Variants in ATR observed in about 807,000 individuals in gnomAD.
ATR encodes serine/threonine-protein kinase ATR.
ATR carries 142 observed loss-of-function variants against 305.3 expected under a neutral mutation model. That is an observed-to-expected ratio of 0.47 (90% CI 0.41 to 0.53). The LOEUF is 0.53. ATR is among the 20% of genes least tolerant of loss of function. The pLI, the probability that ATR is intolerant of heterozygous loss-of-function variation, is 0.00. For synonymous variants in ATR, 1,050 were observed against 1,068.1 expected (o/e 0.98, Z 0.33); for missense variants, 2,135 against 3,133.1 (o/e 0.68, Z 7.60).
intron 1 of ATR, among the ~76,000 whole-genome samples, chr3:142,574,778 TGTCA>T (rs2035384530): frequency 6.6e-6 from 1 of 152,176 alleles, no homozygotes; most frequent in South Asian, 2.1e-4. Context: ...AGCAGGGCCC[TGTCA>T]GTCATGGCTT....
At chr3:142,461,348 A>C (rs1313264999) in intron 42 of ATR, among the ~76,000 whole-genome samples, 1 of 152,118 alleles carries the variant, frequency 6.6e-6, no homozygotes, top group Non-Finnish European at 1.5e-5. Flanking sequence ...TTGAAATTCT[A>C]TTAGTACATA....
intron 46 of ATR, chr3:142,452,006 A>C: frequency 6.8e-6 from 7 of 1,031,530 alleles, no homozygotes; most frequent in Non-Finnish European, 8.2e-6. Flanking sequence ...ACTGCTACAG[A>C]GTGAATTTTT....
At chr3:142,555,431 A>C (rs2034632082) in intron 10 of ATR, among the ~76,000 whole-genome samples, 1 of 152,058 alleles carries the variant, frequency 6.6e-6, no homozygotes, top group South Asian at 2.1e-4. Context: ...TAAATCTCAT[A>C]CTTCATAAAA....
rs202026376 is a variant in ATR at position 142,553,957 on chromosome 3, T to G, written c.2400A>C (p.Thr800=). Residue 800 remains threonine (T), a synonymous_variant, in exon 11 of 47, where the codon ACA becomes ACC. Transcript: ENST00000350721. ...CKHLDFREDE[T]DVKAVLGTLL... Reference sequence around the variant, plus strand: ...AAGTTCCAAGAACTGCTTTTACATCTGTTTCATCTTCTCTAAAATCAAGAT... The same window carrying G: ...AAGTTCCAAGAACTGCTTTTACATCGGTTTCATCTTCTCTAAAATCAAGAT... 1 of 1,610,010 alleles carries G rather than the reference T, an allele frequency of 6.2e-7. No homozygotes were observed. The highest frequency in any genetic ancestry group is 8.5e-7 in the Non-Finnish European group (1 of 1,178,468).
chr3:142,511,690 A>G (rs1215960941), intron 27 of ATR, among the ~76,000 whole-genome samples: 1 of 151,972 alleles, frequency 6.6e-6, no homozygotes, highest in Non-Finnish European at 1.5e-5. Context: ...AAAAATATTA[A>G]CCCCATTTTA....
chr3:142,510,985 G>A (rs1343479986), intron 27 of ATR, among the ~76,000 whole-genome samples: 2 of 152,230 alleles, frequency 1.3e-5, no homozygotes, highest in African/African-American at 2.4e-5. Context: ...AGATAGAGCA[G>A]GGTGTAGTGT....
chr3:142,498,074 C>T (rs6805118), intron 32 of ATR, among the ~76,000 whole-genome samples: 10,555 of 152,174 alleles, frequency 0.069, 507 homozygotes, highest in Non-Finnish European at 0.1. Context: ...AAAAACAGTG[C>T]TATGTAGTAA....
intron 46 of ATR, chr3:142,452,350 AC>A (rs2070810906): frequency 1.0e-6 from 1 of 986,818 alleles, no homozygotes; most frequent in African/African-American, 1.7e-5. Flanking sequence ...ACCAAAAAAA[AC>A]GAATCCTCAA....
In ATR at chr3:142,493,147, A is replaced by G; in HGVS notation, c.6063T>C (p.Ile2021=). 1 of 1,613,280 alleles carries G rather than the reference A, an allele frequency of 6.2e-7. No homozygotes were observed. Among genetic ancestry groups the G allele is most frequent in the African/African-American group, 1.3e-5 (1 of 75,002 alleles). ...ATATACTTGCCTTATATTTTTTCAT[A>G]ATTGCATTGCTTTCAAAGTTAGCTG... is the stretch of plus-strand genomic sequence containing the variant. ...EETANFESNA[I]MKKYKDVTAC... Residue 2021 remains isoleucine, a synonymous_variant, in exon 35 of 47, where the codon ATT becomes ATC. Transcript: ENST00000350721.
intron 22 of ATR, among the ~76,000 whole-genome samples, 198 bp downstream of exon 22, chr3:142,523,795 C>G (rs1355659754): frequency 6.6e-6 from 1 of 152,088 alleles, no homozygotes; most frequent in Non-Finnish European, 1.5e-5. Context: ...ATATAACACC[C>G]TAGATGGGGT....
intron 3 of ATR, among the ~76,000 whole-genome samples, chr3:142,563,341 G>A (rs1265289986): frequency 6.6e-6 from 1 of 152,180 alleles, no homozygotes; most frequent in Admixed American, 6.5e-5. Flanking sequence ...TCTGCATCAA[G>A]CAAGTGTATC....
intron 38 of ATR, among the ~76,000 whole-genome samples, chr3:142,468,339 C>T (rs2071179056): frequency 6.6e-6 from 1 of 151,626 alleles, no homozygotes; most frequent in East Asian, 1.9e-4. Flanking sequence ...GTTACAATTG[C>T]AAGAAAAATA....
intron 36 of ATR, among the ~76,000 whole-genome samples, chr3:142,479,422 C>G (rs767575567): frequency 1.3e-5 from 2 of 152,222 alleles, no homozygotes; most frequent in Non-Finnish European, 1.5e-5. Context: ...GGCCCCCACT[C>G]TCTTCTGGCT....
In ATR at chr3:142,494,437, A is replaced by G. The variant is rs28741969; in HGVS notation, c.5899-1126T>C. Among the ~76,000 whole-genome samples the G allele has an allele frequency of 6.1e-3, 923 of 152,360 alleles. 8 individuals are homozygous for G. The highest frequency in any genetic ancestry group is 0.021 in the African/African-American group (853 of 41,584). On this transcript the variant is annotated intron_variant, in intron 34 of 46. Transcript: ENST00000350721. The stretch of plus-strand genomic sequence containing the variant: ...AAAAGCATATTTGCTAAGTGTTACA[A>G]CAGAGGAATATACATCAGCATTATA...
In ATR at chr3:142,550,159, G is replaced by C. The variant is rs781312709; in HGVS notation, c.2949C>G (p.Asp983Glu). ...TAAGAAAACGATTAAGATCAGGAAA[G>C]TCGAAAACGTTGGCAATTTCAGACA... ...NTLSEIANVF[D>E]FPDLNRFLTR... The change falls in exon 14 of 47, where the codon GAC (aspartate) becomes GAG (glutamate). Residue 983 changes from aspartate to glutamate, a missense_variant. Physicochemically the swap from Asp to Glu is conservative, Grantham distance 45. Around this residue, in one of 9 missense-constraint regions of ATR, gnomAD observed 530 missense variants for 766.8 expected, o/e 0.69. Transcript: ENST00000350721. The C allele has an allele frequency of 1.2e-6, 2 of 1,614,172 alleles. No individual in the cohort carries two copies. Among genetic ancestry groups the C allele is most frequent in the Non-Finnish European group, 8.5e-7 (1 of 1,180,016 alleles).
Position 142,540,802 on chromosome 3 carries a change from T to C in ATR, c.3581+102A>G, listed in dbSNP as rs983386200. 3.7e-6 allele frequency: 5 copies of C among 1,361,778 alleles called. No individual in the cohort carries two copies. In the African/African-American group the frequency reaches 5.9e-5, roughly 16 times the overall value. The allele number at this position is 1,361,778 out of a possible 1,614,324, so 84.4% of individuals were successfully genotyped here. A position where few individuals can be genotyped will look rare whatever the true frequency, so the allele number is the denominator to read the frequency against. On this transcript the variant is annotated intron_variant, in intron 18 of 46. Transcript: ENST00000350721. The stretch of plus-strand genomic sequence containing the variant: ...AAATAAATAGTCTTTCTACCTTATT[T>C]ATTATTTGAACCCAATTTCCCTCAA...
intron 41 of ATR, 39 bp downstream of exon 41, chr3:142,465,058 A>AAAAT: frequency 1.6e-6 from 2 of 1,288,210 alleles, no homozygotes; most frequent in Non-Finnish European, 2.0e-6. Flanking sequence ...TTTAAAATAA[A>AAAAT]AAATAAATAA....
intron 21 of ATR, 128 bp from the exon 22 acceptor site, chr3:142,524,327 T>C (rs2033280775): frequency 1.1e-6 from 1 of 912,416 alleles, no homozygotes; most frequent in Non-Finnish European, 1.6e-6. Flanking sequence ...TTTCTGTATC[T>C]GCAATTTTTT....
intron 25 of ATR, among the ~76,000 whole-genome samples, chr3:142,514,111 A>AC (rs1279424798): frequency 4.0e-5 from 6 of 151,830 alleles, no homozygotes; most frequent in Admixed American, 1.3e-4. Flanking sequence ...CTACAAAAAA[A>AC]ACACACACAA....
Sources: allele counts gnomAD v4.1 joint callset (sites outside exome capture counted in the v4.1 genomes callset), GRCh38; gene constraint gnomAD v4.1.1; regional missense constraint gnomAD v4.1.1; transcripts MANE v1.5; gene names NCBI Gene and HGNC (gene_info 2026-07-23, HGNC 2026-07-21).